DPM1: variants seen among roughly 807,000 people sequenced by gnomAD.
DPM1 encodes the protein dolichol-phosphate mannosyltransferase subunit 1.
Under a neutral mutation model 39.0 loss-of-function variants are expected in DPM1, and 27 were observed. The ratio of observed to expected loss-of-function variants is 0.69; its 90% CI spans 0.51 to 0.95. The LOEUF is 0.95. Ranked by LOEUF, DPM1 falls within the 40% of genes least tolerant of loss-of-function variation. The pLI is 0.00. For synonymous variants in DPM1, 124 were observed against 109.0 expected (o/e 1.14, Z -0.86); for missense variants, 307 against 315.6 (o/e 0.97, Z 0.21).
At chr20:50,943,740 AT>A (rs141377879) in intron 5 of DPM1, among the ~76,000 whole-genome samples, 53,057 of 125,540 alleles carry the variant, frequency 0.42, 9,981 homozygotes, top group African/African-American at 0.52. Flanking sequence ...AAGCCTGAGT[AT>A]TTTTTTTTTT....
At position 50,955,261 on chromosome 20, in the gene DPM1, G is replaced by A; in HGVS notation, c.186C>T (p.Ile62=). 6.2e-7 allele frequency: 1 copy of A among 1,612,790 alleles called. No homozygotes were observed. The highest frequency in any genetic ancestry group is 8.5e-7 in the Non-Finnish European group (1 of 1,179,522). Residue 62 remains isoleucine (I), a synonymous_variant, in exon 2 of 9, where the codon ATC becomes ATT. Coordinates refer to ENST00000371588, the MANE Select transcript of DPM1 (RefSeq NM_003859.3). ...TTCCATCTGGGCTTCCATCATCTAT[G>A]ATTATAATTTCATAGTTGATTCCAC... The part of the protein sequence containing the change: ...SESGINYEII[I]IDDGSPDGTR...
At chr20:50,951,046 A>T (rs970646633) in intron 2 of DPM1, among the ~76,000 whole-genome samples, 1 of 152,246 alleles carries the variant, frequency 6.6e-6, no homozygotes, top group Non-Finnish European at 1.5e-5. Context: ...TTTATAAATT[A>T]AGCACAGTAA....
intron 6 of DPM1, chr20:50,941,227 A>AACATATATATATATATATATATATATAT (rs751974533): frequency 1.6e-5 from 1 of 60,784 alleles, no homozygotes; most frequent in African/African-American, 8.3e-5. Context: ...AAAAAAAGTG[A>AACATATATATATATATATATATATATAT]ATATATATAT....
chr20:50,951,277 T>C (rs1022315310), intron 2 of DPM1, among the ~76,000 whole-genome samples: 1 of 152,210 alleles, frequency 6.6e-6, no homozygotes, highest in African/African-American at 2.4e-5. Context: ...TAGAGTATTA[T>C]GGAGCCATTA....
intron 1 of DPM1, 47 bp downstream of exon 1, chr20:50,958,316 G>C: frequency 6.2e-7 from 1 of 1,605,408 alleles, no homozygotes; most frequent in Non-Finnish European, 8.5e-7. Context: ...CCGGGCCGGG[G>C]AAGCCAGCTC....
chr20:50,951,511 G>A (rs1005453977), intron 2 of DPM1, among the ~76,000 whole-genome samples: 4 of 152,192 alleles, frequency 2.6e-5, no homozygotes, highest in African/African-American at 9.7e-5. Context: ...TCATCAGGTC[G>A]GGCGTGGTGG....
Position 50,936,206 on chromosome 20 carries a change from T to C in DPM1, c.620A>G (p.Tyr207Cys), listed in dbSNP as rs1036628226. Residue 207 changes from tyrosine (Y) to cysteine (C), a missense_variant, in exon 8 of 9, where the codon TAC (tyrosine) becomes TGC (cysteine). This residue lies in a region of DPM1 where 70 missense variants were observed against 69.4 expected (regional missense o/e 1.01). Transcript: ENST00000371588. The stretch of plus-strand genomic sequence containing the variant: ...AACAATCATCTCCATCTGGAAGACG[T>C]AGCCTTTAGAAACACATTTTTCTAT... ...KLIEKCVSKG[Y>C]VFQMEMIVRA... 1.2e-5 allele frequency: 20 copies of C among 1,613,654 alleles called. No homozygotes were observed. The highest frequency in any genetic ancestry group is 1.5e-5 in the Non-Finnish European group (18 of 1,179,834).
Position 50,951,749 on chromosome 20 carries a change from T to C in DPM1, c.262-3087A>G, listed in dbSNP as rs1234988362. Among the ~76,000 whole-genome samples the C allele has an allele frequency of 2.6e-5, 4 of 151,710 alleles. 1 individual carries two copies. Among genetic ancestry groups the C allele is most frequent in the South Asian group, 4.2e-4 (2 of 4,806 alleles). ...TGTGCAGTGAGCTGAGATCTTGCCA[T>C]TGCACTCCAGCCTGGGCGACAGAGC... On this transcript the variant is annotated intron_variant, in intron 2 of 8. Coordinates refer to ENST00000371588, the MANE Select transcript of DPM1 (RefSeq NM_003859.3).
chr20:50,947,535 G>C (rs1422983908), intron 3 of DPM1, among the ~76,000 whole-genome samples: 3 of 152,218 alleles, frequency 2.0e-5, no homozygotes, highest in African/African-American at 7.2e-5. Flanking sequence ...CTTTCTTCAT[G>C]TTAAGTTTTA....
intron 8 of DPM1, 102 bp downstream of exon 8, chr20:50,936,046 C>T (rs956291795): frequency 3.7e-6 from 3 of 808,394 alleles, no homozygotes; most frequent in Non-Finnish European, 4.2e-6. Context: ...AAGACCTCCA[C>T]AATTTAGCAG....
Position 50,955,260 on chromosome 20 carries a change from T to C in DPM1, c.187A>G (p.Ile63Val). The C allele has an allele frequency of 6.2e-7, 1 of 1,613,028 alleles. No homozygotes were observed. Among genetic ancestry groups the C allele is most frequent in the Non-Finnish European group, 8.5e-7 (1 of 1,179,626 alleles). The change falls in exon 2 of 9, where the codon ATA (isoleucine) becomes GTA (valine). Residue 63 changes from isoleucine to valine, a missense_variant. Coordinates refer to ENST00000371588, the MANE Select transcript of DPM1 (RefSeq NM_003859.3). The stretch of plus-strand genomic sequence containing the variant: ...GTTCCATCTGGGCTTCCATCATCTA[T>C]GATTATAATTTCATAGTTGATTCCA... ...ESGINYEIII[I>V]DDGSPDGTRD...
At chr20:50,952,460 G>C (rs1471709919) in intron 2 of DPM1, among the ~76,000 whole-genome samples, 1 of 152,164 alleles carries the variant, frequency 6.6e-6, no homozygotes, top group East Asian at 1.9e-4. Flanking sequence ...ATTTATACTA[G>C]GATCAACAGT....
At chr20:50,953,755 A>G (rs990621512) in intron 2 of DPM1, among the ~76,000 whole-genome samples, 1 of 152,184 alleles carries the variant, frequency 6.6e-6, no homozygotes, top group Non-Finnish European at 1.5e-5. Context: ...TTTTATGACA[A>G]AAGTATTCAA....
At chr20:50,945,664 G>C in intron 5 of DPM1, 73 bp downstream of exon 5, 3 of 1,326,616 alleles carry the variant, frequency 2.3e-6, no homozygotes, top group Non-Finnish European at 3.2e-6. Flanking sequence ...AATAAAAAAT[G>C]AAAATAAGCC....
chr20:50,937,228 T>C (rs2143537), intron 7 of DPM1, among the ~76,000 whole-genome samples: 147,082 of 151,958 alleles, frequency 0.97, 71,217 homozygotes, highest in East Asian at 1. Context: ...ACATTTTTTT[T>C]CCCTCAGACT....
intron 7 of DPM1, 40 bp downstream of exon 7, chr20:50,940,825 C>A (rs773877397): frequency 1.4e-6 from 2 of 1,461,644 alleles, no homozygotes; most frequent in Non-Finnish European, 1.9e-6. Context: ...AGAAAGTTAG[C>A]CAAGAAGTTA....
At chr20:50,938,921 G>A (rs1282795671) in intron 7 of DPM1, among the ~76,000 whole-genome samples, 1 of 151,970 alleles carries the variant, frequency 6.6e-6, no homozygotes. Context: ...GGAGGTTGTG[G>A]TGAGCCAAGA....
At chr20:50,956,532 AAAAAAAAAAAAAAG>A (rs1986830591) in intron 1 of DPM1, among the ~76,000 whole-genome samples, 1 of 79,820 alleles carries the variant, frequency 1.3e-5, no homozygotes, top group Non-Finnish European at 2.9e-5. Flanking sequence ...TCTCCAAAAG[AAAAAAAAAAAAAAG>A]AAAAAGAAAA....
At chr20:50,949,762 G>GAT (rs1017324705) in intron 2 of DPM1, among the ~76,000 whole-genome samples, 1 of 131,202 alleles carries the variant, frequency 7.6e-6, no homozygotes, top group Non-Finnish European at 1.6e-5. Flanking sequence ...TAAAGCAGAT[G>GAT]ATTTTTTTTT....
Sources: gnomAD v4.1 joint callset for allele counts (sites outside exome capture counted in the v4.1 genomes callset) on GRCh38, gnomAD v4.1.1 for gene constraint, gnomAD v4.1.1 regional missense constraint, MANE v1.5 for transcripts, NCBI Gene and HGNC (gene_info 2026-07-23, HGNC 2026-07-21) for gene names.